MAMDC2: variants seen among roughly 807,000 people sequenced by gnomAD.
MAMDC2 encodes the protein MAM domain-containing protein 2.
A neutral mutation model predicts 89.8 loss-of-function variants in MAMDC2; 57 were observed. The observed-to-expected ratio is 0.63, with a 90% CI of 0.51 to 0.79. The LOEUF (loss-of-function observed/expected upper bound fraction) is 0.79. Among genes scored for constraint, MAMDC2 ranks in the 30% least tolerant of loss-of-function variants. The pLI is 0.00. For synonymous variants in MAMDC2, 313 were observed against 293.4 expected (o/e 1.07, Z -0.68); for missense variants, 800 against 820.6 (o/e 0.97, Z 0.31).
At chr9:70,211,048 T>C (rs2033345109) in intron 11 of MAMDC2, among the ~76,000 whole-genome samples, 1 of 152,228 alleles carries the variant, frequency 6.6e-6, no homozygotes, top group South Asian at 2.1e-4. Flanking sequence ...CCTTTCTGGC[T>C]GCCCTTAACA....
intron 7 of MAMDC2, among the ~76,000 whole-genome samples, chr9:70,139,104 ATTTCT>A (rs1168665521): frequency 6.6e-6 from 1 of 151,514 alleles, no homozygotes; most frequent in Non-Finnish European, 1.5e-5. Flanking sequence ...ATGACAGGAA[ATTTCT>A]TTTTATTTAT....
chr9:70,121,328 G>A (rs1019458683), intron 5 of MAMDC2, among the ~76,000 whole-genome samples: 1 of 152,228 alleles, frequency 6.6e-6, no homozygotes, highest in Non-Finnish European at 1.5e-5. Context: ...CAGCACTGCA[G>A]GCTCCATCCC....
intron 6 of MAMDC2, among the ~76,000 whole-genome samples, chr9:70,126,633 A>G (rs1271123181): frequency 6.6e-6 from 1 of 152,094 alleles, no homozygotes. Context: ...TCCTAGCAAG[A>G]GTCATTTTTA....
At chr9:70,126,832 T>TG (rs2030575181) in intron 6 of MAMDC2, among the ~76,000 whole-genome samples, 1 of 152,148 alleles carries the variant, frequency 6.6e-6, no homozygotes, top group African/African-American at 2.4e-5. Flanking sequence ...AACTGTTTTT[T>TG]TTTTTTTTTT....
intron 12 of MAMDC2, among the ~76,000 whole-genome samples, chr9:70,223,486 G>A (rs1404375706): frequency 6.6e-6 from 1 of 152,020 alleles, no homozygotes; most frequent in Non-Finnish European, 1.5e-5. Context: ...GCTTTTAATT[G>A]TAGCAGCTAC....
intron 2 of MAMDC2, among the ~76,000 whole-genome samples, chr9:70,044,948 C>A (rs1826709685): frequency 2.0e-5 from 3 of 152,226 alleles, no homozygotes; most frequent in African/African-American, 7.2e-5. Context: ...CACCCCAGCA[C>A]TCCTTAATGG....
chr9:70,051,550 G>T (rs2117984197), intron 2 of MAMDC2, among the ~76,000 whole-genome samples: 1 of 152,268 alleles, frequency 6.6e-6, no homozygotes, highest in South Asian at 2.1e-4. Flanking sequence ...TAAAATAACA[G>T]AACCTCTTTG....
intron 9 of MAMDC2, among the ~76,000 whole-genome samples, chr9:70,156,041 G>A (rs2031753910): frequency 6.6e-6 from 1 of 152,116 alleles, no homozygotes; most frequent in South Asian, 2.1e-4. Context: ...ACAAGGACAT[G>A]TTTTAAAATG....
intron 11 of MAMDC2, among the ~76,000 whole-genome samples, chr9:70,192,864 T>C (rs1204573556): frequency 6.6e-6 from 1 of 152,000 alleles, no homozygotes; most frequent in Non-Finnish European, 1.5e-5. Flanking sequence ...GGTCAGTGAA[T>C]GAAAAATGAC....
At chr9:70,138,193 T>A (rs1270647211) in intron 7 of MAMDC2, among the ~76,000 whole-genome samples, 1 of 152,198 alleles carries the variant, frequency 6.6e-6, no homozygotes, top group African/African-American at 2.4e-5. Context: ...TCACCTAAGA[T>A]AATGACCTCC....
At chr9:70,111,966 G>T (rs186245068) in intron 4 of MAMDC2, among the ~76,000 whole-genome samples, 2 of 152,302 alleles carry the variant, frequency 1.3e-5, no homozygotes, top group African/African-American at 4.8e-5. Context: ...TGCTTGACAA[G>T]ACTTGCCAAC....
intron 2 of MAMDC2, among the ~76,000 whole-genome samples, chr9:70,049,957 G>A (rs1826855167): frequency 6.6e-6 from 1 of 152,160 alleles, no homozygotes; most frequent in African/African-American, 2.4e-5. Flanking sequence ...CATTGCCTCA[G>A]CTCCTTGGCT....
At chr9:70,060,646 A>C (rs1018027771) in intron 2 of MAMDC2, 1 of 152,172 alleles carries the variant, frequency 6.6e-6, no homozygotes, top group Non-Finnish European at 1.5e-5. Flanking sequence ...ACATGCAGAT[A>C]CTAAATTCCA....
intron 2 of MAMDC2, among the ~76,000 whole-genome samples, chr9:70,079,737 C>T (rs779688326): frequency 6.6e-6 from 1 of 152,170 alleles, no homozygotes; most frequent in Non-Finnish European, 1.5e-5. Context: ...CCAGCATGAA[C>T]ACATGAATGG....
chr9:70,195,244 CA>C (rs1334303524), intron 11 of MAMDC2, among the ~76,000 whole-genome samples: 1 of 151,968 alleles, frequency 6.6e-6, no homozygotes, highest in Non-Finnish European at 1.5e-5. Context: ...GACCAAAAAG[CA>C]AACCAACCAA....
intron 2 of MAMDC2, among the ~76,000 whole-genome samples, chr9:70,061,663 C>G (rs1827154190): frequency 6.6e-6 from 1 of 152,158 alleles, no homozygotes; most frequent in African/African-American, 2.4e-5. Context: ...TTTTAATACA[C>G]TATTTAAAAA....
Position 70,148,757 on chromosome 9 carries a change from C to T in MAMDC2, c.1404+4938C>T, listed in dbSNP as rs957995717. Among the ~76,000 whole-genome samples, 19 of 149,156 alleles carry T rather than the reference C, an allele frequency of 1.3e-4. 2 individuals are homozygous for T. Among genetic ancestry groups the T allele is most frequent in the Non-Finnish European group, 2.7e-4 (18 of 67,196 alleles). On this transcript the variant is annotated intron_variant, in intron 9 of 13. Coordinates refer to ENST00000377182, the MANE Select transcript of MAMDC2 (RefSeq NM_153267.5). ...TTAAAAATATTTTAAAGGCCAGGCG[C>T]GGTGGCTCACGCCTGTAATCCCAGC... is the stretch of plus-strand genomic sequence containing the variant.
chr9:70,221,191 T>C (rs1490136829), intron 12 of MAMDC2, among the ~76,000 whole-genome samples: 2 of 150,154 alleles, frequency 1.3e-5, no homozygotes, highest in African/African-American at 4.9e-5. Flanking sequence ...GGGGAGGACG[T>C]AGAAAATGCA....
At chr9:70,071,349 C>T (rs1450201076) in intron 2 of MAMDC2, among the ~76,000 whole-genome samples, 1 of 152,162 alleles carries the variant, frequency 6.6e-6, no homozygotes, top group Non-Finnish European at 1.5e-5. Flanking sequence ...AGAATTTACT[C>T]TATTTTTTTT....
Sources: allele counts gnomAD v4.1 joint callset (sites outside exome capture counted in the v4.1 genomes callset), GRCh38; gene constraint gnomAD v4.1.1; transcripts MANE v1.5; gene names NCBI Gene and HGNC (gene_info 2026-07-23, HGNC 2026-07-21).